GRIA2: variants seen among roughly 807,000 people sequenced by gnomAD.
GRIA2 encodes glutamate receptor 2.
GRIA2 carries 14 observed loss-of-function variants against 97.3 expected under a neutral mutation model. The ratio of observed to expected loss-of-function variants is 0.14; its 90% CI spans 0.10 to 0.23. The LOEUF (loss-of-function observed/expected upper bound fraction) is 0.23, where lower values mean the gene tolerates loss of function less well. Ranked by LOEUF, GRIA2 falls within the 10% of genes least tolerant of loss-of-function variation. The pLI, the probability that GRIA2 is intolerant of heterozygous loss-of-function variation, is 1.00. For synonymous variants in GRIA2, 412 were observed against 387.8 expected, an observed-to-expected ratio of 1.06 and a Z score of -0.73; for missense variants, 558 against 1,069.8, an observed-to-expected ratio of 0.52 and a Z score of 6.67.
intron 6 of GRIA2, among the ~76,000 whole-genome samples, chr4:157,325,075 T>G (rs1734745237): frequency 6.6e-6 from 1 of 152,174 alleles, no homozygotes; most frequent in Non-Finnish European, 1.5e-5. Flanking sequence ...TACACCAAAT[T>G]CTTTCCATAG....
chr4:157,277,964 AT>A (rs926866243), intron 2 of GRIA2, among the ~76,000 whole-genome samples: 18 of 149,530 alleles, frequency 1.2e-4, no homozygotes, highest in African/African-American at 4.4e-4. Context: ...GATAAAAGAA[AT>A]CAAAGAACTA....
chr4:157,358,413 A>G lies in GRIA2; in HGVS notation c.2044-1483A>G, dbSNP rs542890273. On this transcript the variant is annotated intron_variant, in intron 12 of 15. Coordinates refer to ENST00000264426, the MANE Select transcript of GRIA2 (RefSeq NM_001083619.3). ...TCATAGATATGCTTTTACAACAGAAAGAAAGCTTGATTCACTAGGTAATGA... is the reference window on the plus strand; with the variant it reads ...TCATAGATATGCTTTTACAACAGAAGGAAAGCTTGATTCACTAGGTAATGA... Among the ~76,000 whole-genome samples, 16 of 152,334 alleles carry G rather than the reference A, an allele frequency of 1.1e-4. 3 individuals are homozygous for G. Among genetic ancestry groups the G allele is most frequent in the African/African-American group, 3.8e-4 (16 of 41,584 alleles).
At chr4:157,332,424 T>C (rs1050148790) in intron 6 of GRIA2, among the ~76,000 whole-genome samples, 2 of 151,932 alleles carry the variant, frequency 1.3e-5, no homozygotes, top group African/African-American at 2.4e-5. Flanking sequence ...CATTGACAAA[T>C]GAATTTCTCA....
At chr4:157,327,254 A>G (rs1734843887) in intron 6 of GRIA2, among the ~76,000 whole-genome samples, 1 of 152,104 alleles carries the variant, frequency 6.6e-6, no homozygotes, top group African/African-American at 2.4e-5. Context: ...GTAGGGATGA[A>G]GAGTAATTAT....
chr4:157,302,760 T>G (rs1396475377), intron 2 of GRIA2, among the ~76,000 whole-genome samples: 1 of 152,136 alleles, frequency 6.6e-6, no homozygotes, highest in East Asian at 1.9e-4. Context: ...GCACATAACT[T>G]AGTTATGGAC....
intron 2 of GRIA2, among the ~76,000 whole-genome samples, chr4:157,292,934 A>G (rs899730423): frequency 1.6e-4 from 25 of 152,172 alleles, no homozygotes; most frequent in Non-Finnish European, 3.2e-4. Flanking sequence ...ATTTTAAGTT[A>G]ATACATAAAA....
chr4:157,277,249 T>C (rs1468727904), intron 2 of GRIA2, among the ~76,000 whole-genome samples: 1 of 151,920 alleles, frequency 6.6e-6, no homozygotes, highest in Non-Finnish European at 1.5e-5. Flanking sequence ...AATCAATTAA[T>C]GTAATCTATC....
intron 2 of GRIA2, among the ~76,000 whole-genome samples, chr4:157,254,687 G>A (rs956179183): frequency 5.9e-5 from 9 of 151,966 alleles, no homozygotes; most frequent in East Asian, 1.9e-4. Flanking sequence ...ACTGTCACCC[G>A]GAGTTGGAGA....
At chr4:157,304,760 G>C (rs1733765170) in intron 3 of GRIA2, among the ~76,000 whole-genome samples, 1 of 152,142 alleles carries the variant, frequency 6.6e-6, no homozygotes, top group South Asian at 2.1e-4. Flanking sequence ...GACCAAGATA[G>C]GGCACCTTGT....
intron 2 of GRIA2, among the ~76,000 whole-genome samples, chr4:157,269,883 T>G: frequency 6.6e-6 from 1 of 152,124 alleles, no homozygotes; most frequent in East Asian, 1.9e-4. Context: ...CTGAATGATA[T>G]ACTTTTGAGC....
intron 12 of GRIA2, 71 bp downstream of exon 12, chr4:157,341,533 C>A: frequency 9.7e-7 from 1 of 1,032,374 alleles, no homozygotes; most frequent in Non-Finnish European, 1.5e-6. Flanking sequence ...TGTTTCCCTC[C>A]CATAGTCAAT....
At chr4:157,354,887 T>G (rs1253661201) in intron 12 of GRIA2, among the ~76,000 whole-genome samples, 1 of 152,144 alleles carries the variant, frequency 6.6e-6, no homozygotes, top group African/African-American at 2.4e-5. Context: ...AGCATTAGCA[T>G]TTTAAGTCTT....
At chr4:157,353,815 CTT>C (rs1204075734) in intron 12 of GRIA2, among the ~76,000 whole-genome samples, 1 of 152,074 alleles carries the variant, frequency 6.6e-6, no homozygotes, top group African/African-American at 2.4e-5. Flanking sequence ...TAATGCAAAT[CTT>C]GTTAATATTT....
At chr4:157,259,336 G>A (rs914050752) in intron 2 of GRIA2, among the ~76,000 whole-genome samples, 7 of 152,064 alleles carry the variant, frequency 4.6e-5, no homozygotes, top group Admixed American at 4.6e-4. Context: ...TACTGGGATT[G>A]GGGAGACGTC....
intron 2 of GRIA2, among the ~76,000 whole-genome samples, chr4:157,249,046 C>T (rs540268784): frequency 1.3e-5 from 2 of 151,958 alleles, no homozygotes; most frequent in East Asian, 3.9e-4. Context: ...TGTTGCCCGG[C>T]CTGCTCTGGA....
intron 2 of GRIA2, among the ~76,000 whole-genome samples, chr4:157,271,913 G>A (rs1353376663): frequency 2.0e-5 from 3 of 152,020 alleles, no homozygotes; most frequent in South Asian, 2.1e-4. Context: ...TCACAGTATC[G>A]TACTTTCTGT....
intron 12 of GRIA2, among the ~76,000 whole-genome samples, chr4:157,349,837 G>A (rs898772420): frequency 6.6e-6 from 1 of 152,026 alleles, no homozygotes; most frequent in African/African-American, 2.4e-5. Flanking sequence ...GTTGGATCAA[G>A]ATGCTGAATT....
chr4:157,352,963 G>A (rs1725065874), intron 12 of GRIA2, among the ~76,000 whole-genome samples: 1 of 152,118 alleles, frequency 6.6e-6, no homozygotes, highest in Non-Finnish European at 1.5e-5. Context: ...AGAGGCTGAG[G>A]CAGGAGAATT....
At chr4:157,281,224 C>A (rs1732578173) in intron 2 of GRIA2, among the ~76,000 whole-genome samples, 1 of 152,016 alleles carries the variant, frequency 6.6e-6, no homozygotes, top group Admixed American at 6.6e-5. Flanking sequence ...ATTGTATGCG[C>A]CAGAGTTAGA....
Sources: gnomAD v4.1 joint callset for allele counts (sites outside exome capture counted in the v4.1 genomes callset) on GRCh38, gnomAD v4.1.1 for gene constraint, MANE v1.5 for transcripts, NCBI Gene and HGNC (gene_info 2026-07-23, HGNC 2026-07-21) for gene names.